CREB5: variants seen among roughly 807,000 people sequenced by gnomAD.
CREB5 encodes cAMP responsive element binding protein 5.
In CREB5, 19 loss-of-function variants were observed where a neutral mutation model predicts 57.1. That is an observed-to-expected ratio of 0.33 (90% CI 0.23 to 0.49). The LOEUF is 0.49. CREB5 is among the 20% of genes least tolerant of loss of function. The pLI is 0.99. For synonymous variants in CREB5, 238 were observed against 238.3 expected (o/e 1.00, Z 0.01); for missense variants, 579 against 671.6 (o/e 0.86, Z 1.52).
rs552446648 is a variant in CREB5 at position 28,429,628 on chromosome 7, T to G, written c.3+16711T>G. Among the ~76,000 whole-genome samples the G allele has an allele frequency of 1.1e-4, 16 of 152,264 alleles. 1 individual carries two copies. In the South Asian group the frequency reaches 3.3e-3, roughly 32 times the overall value. On this transcript the variant is annotated intron_variant, in intron 1 of 10. Coordinates refer to ENST00000357727, the MANE Select transcript of CREB5 (RefSeq NM_182898.4). ...TATTTGAGGAGGGACTGGGCTGTGA[T>G]TGGGGGTGGAATTATTGCTTGACTG...
intron 1 of CREB5, among the ~76,000 whole-genome samples, chr7:28,306,541 GTTTTGTTTTTTTTGT>G (rs1273107663): frequency 6.7e-5 from 3 of 44,458 alleles, no homozygotes; most frequent in African/African-American, 2.3e-4. Flanking sequence ...TACAGATACA[GTTTTGTTTTTTTTGT>G]TTTTTTTTTT....
At chr7:28,316,347 T>G (rs928423830) in intron 1 of CREB5, among the ~76,000 whole-genome samples, 2 of 151,864 alleles carry the variant, frequency 1.3e-5, no homozygotes, top group African/African-American at 4.8e-5. Context: ...TGACAATGCC[T>G]GGGAAAACCT....
intron 1 of CREB5, among the ~76,000 whole-genome samples, chr7:28,370,457 G>A (rs964033463): frequency 4.6e-5 from 7 of 152,120 alleles, no homozygotes; most frequent in East Asian, 1.9e-4. Flanking sequence ...TAAAAGTGAC[G>A]TTCTGGTTCA....
At chr7:28,583,337 G>A (rs991834147) in intron 5 of CREB5, among the ~76,000 whole-genome samples, 1 of 152,208 alleles carries the variant, frequency 6.6e-6, no homozygotes, top group African/African-American at 2.4e-5. Context: ...TCATCATCAT[G>A]GAAAGTGGAT....
intron 7 of CREB5, among the ~76,000 whole-genome samples, chr7:28,782,687 T>A (rs191425410): frequency 6.6e-6 from 1 of 152,100 alleles, no homozygotes; most frequent in Non-Finnish European, 1.5e-5. Context: ...GGAAATATCA[T>A]CAAAAAGAGC....
At chr7:28,809,953 A>G (rs2128804948) in intron 9 of CREB5, among the ~76,000 whole-genome samples, 1 of 152,192 alleles carries the variant, frequency 6.6e-6, no homozygotes, top group East Asian at 1.9e-4. Flanking sequence ...CATGGAAGAA[A>G]GAAAGGTTGA....
At chr7:28,510,815 T>C (rs1426046515) in intron 4 of CREB5, among the ~76,000 whole-genome samples, 1 of 152,218 alleles carries the variant, frequency 6.6e-6, no homozygotes, top group East Asian at 1.9e-4. Flanking sequence ...AATAGAAGCT[T>C]ATAACCTCAT....
At chr7:28,664,614 T>G (rs1235436278) in intron 5 of CREB5, among the ~76,000 whole-genome samples, 1 of 152,234 alleles carries the variant, frequency 6.6e-6, no homozygotes, top group Non-Finnish European at 1.5e-5. Context: ...ACCTGTGTAC[T>G]TAACATTTTC....
At chr7:28,316,326 A>G (rs761272866) in intron 1 of CREB5, among the ~76,000 whole-genome samples, 8 of 152,150 alleles carry the variant, frequency 5.3e-5, no homozygotes, top group Non-Finnish European at 8.8e-5. Flanking sequence ...CATTGGAGCC[A>G]GGGAAATGCC....
chr7:28,584,722 G>A (rs1478486367), intron 5 of CREB5, among the ~76,000 whole-genome samples: 1 of 151,632 alleles, frequency 6.6e-6, no homozygotes, highest in Non-Finnish European at 1.5e-5. Flanking sequence ...CCTAGAAAAC[G>A]AATACATGTG....
chr7:28,639,522 A>G (rs763482576), intron 5 of CREB5, among the ~76,000 whole-genome samples: 24 of 152,184 alleles, frequency 1.6e-4, no homozygotes, highest in Admixed American at 1.3e-4. Flanking sequence ...AAAGGAATCC[A>G]TGTTTTAATT....
chr7:28,504,854 C>A (rs1426445839), intron 3 of CREB5, among the ~76,000 whole-genome samples: 2 of 152,148 alleles, frequency 1.3e-5, no homozygotes, highest in African/African-American at 4.8e-5. Flanking sequence ...TTTAAAAAAA[C>A]CTCCTTTGCA....
rs147323916 is a variant in CREB5, at chr7:28,585,163, C to T, written c.464+14626C>T. Among the ~76,000 whole-genome samples the T allele has an allele frequency of 7.7e-4, 118 of 152,334 alleles. 2 individuals carry two copies. The highest frequency in any genetic ancestry group is 2.7e-3 in the African/African-American group (111 of 41,572). On this transcript the variant is annotated intron_variant, in intron 5 of 10. Transcript: ENST00000357727. ...TAGTTGCGGGATTCTGAAGCACACA[C>T]TTCTTGTTGATTAAGCTGTCTGCCC...
intron 7 of CREB5, among the ~76,000 whole-genome samples, chr7:28,750,600 TCA>T (rs1804927539): frequency 1.9e-5 from 2 of 104,628 alleles, no homozygotes; most frequent in African/African-American, 7.6e-5. Flanking sequence ...ACGAAATATA[TCA>T]CTTTTTTTAT....
intron 5 of CREB5, among the ~76,000 whole-genome samples, chr7:28,586,619 C>A: frequency 6.6e-6 from 1 of 152,148 alleles, no homozygotes; most frequent in Non-Finnish European, 1.5e-5. Context: ...ATCACATTCA[C>A]CAGCAAGCAT....
At chr7:28,445,840 T>G (rs13229822) in intron 1 of CREB5, among the ~76,000 whole-genome samples, 4 of 152,034 alleles carry the variant, frequency 2.6e-5, no homozygotes, top group Admixed American at 1.3e-4. Flanking sequence ...CGTGAGCCAC[T>G]GCGCCCGGCC....
chr7:28,409,014 C>T (rs959266022), upstream of CREB5, among the ~76,000 whole-genome samples: 3 of 151,988 alleles, frequency 2.0e-5, no homozygotes, highest in Non-Finnish European at 2.9e-5. The surrounding 1 kb of genome is among the most constrained non-coding windows in gnomAD (Gnocchi z 4.4). Flanking sequence ...CGCAGAAGAG[C>T]CCACGCCCGC....
At chr7:28,660,658 T>A (rs995842560) in intron 5 of CREB5, among the ~76,000 whole-genome samples, 3 of 152,210 alleles carry the variant, frequency 2.0e-5, no homozygotes, top group Non-Finnish European at 1.5e-5. Context: ...GAACTTTGTT[T>A]AACCTAATGT....
chr7:28,560,831 C>CGTGCGCGTGCGTGCGCGT (rs1562797049), intron 4 of CREB5, among the ~76,000 whole-genome samples: 1 of 58,896 alleles, frequency 1.7e-5, no homozygotes, highest in Non-Finnish European at 3.5e-5. Context: ...TGCGCGCGCG[C>CGTGCGCGTGCGTGCGCGT]GCGTGTGTGT....
Sources: allele counts gnomAD v4.1 joint callset (sites outside exome capture counted in the v4.1 genomes callset), GRCh38; gene constraint gnomAD v4.1.1; non-coding constraint Gnocchi (gnomAD v3.1); transcripts MANE v1.5; gene names NCBI Gene and HGNC (gene_info 2026-07-23, HGNC 2026-07-21).